The following GAB1 variants were observed in gnomAD, a reference collection of about 807,000 sequenced individuals.
The protein encoded by GAB1 is GRB2 associated binding protein 1.
In GAB1, 19 loss-of-function variants were observed where a neutral mutation model predicts 66.5. That is an observed-to-expected ratio of 0.29 (90% confidence interval 0.20 to 0.42). The LOEUF (loss-of-function observed/expected upper bound fraction) is 0.42. GAB1 is among the 10% of genes least tolerant of loss of function. The pLI is 1.00. For synonymous variants in GAB1, 294 were observed against 301.4 expected, an observed-to-expected ratio of 0.98 and a Z score of 0.25; for missense variants, 732 against 858.5, an observed-to-expected ratio of 0.85 and a Z score of 1.84.
chr4:143,356,075 C>T (rs754936580), intron 1 of GAB1, among the ~76,000 whole-genome samples: 4 of 150,558 alleles, frequency 2.7e-5, no homozygotes, highest in South Asian at 2.1e-4. Context: ...TTTTTTGGGT[C>T]GGGGCCGGGG....
intron 2 of GAB1, among the ~76,000 whole-genome samples, chr4:143,418,708 A>G (rs1560755754): frequency 6.6e-6 from 1 of 152,166 alleles, no homozygotes; most frequent in African/African-American, 2.4e-5. Flanking sequence ...ATGCTCCTAA[A>G]TATATTTACA....
chr4:143,413,711 A>G (rs1406016003), intron 1 of GAB1, among the ~76,000 whole-genome samples: 3 of 152,054 alleles, frequency 2.0e-5, no homozygotes, highest in Non-Finnish European at 4.4e-5. Flanking sequence ...GAAGGTAGGA[A>G]TAATGAATTA....
At chr4:143,429,936 A>T (rs530099125) in intron 2 of GAB1, among the ~76,000 whole-genome samples, 1 of 152,372 alleles carries the variant, frequency 6.6e-6, no homozygotes, top group African/African-American at 2.4e-5. Flanking sequence ...AAGGCCATGA[A>T]TAGCTCAAAA....
intron 1 of GAB1, among the ~76,000 whole-genome samples, chr4:143,350,791 AATTG>A (rs1450489233): frequency 6.6e-6 from 1 of 152,094 alleles, no homozygotes; most frequent in Non-Finnish European, 1.5e-5. Context: ...TAGGAGCAAA[AATTG>A]ATTATGTAAA....
At chr4:143,340,460 T>G (rs900002587) in intron 1 of GAB1, among the ~76,000 whole-genome samples, 12 of 152,176 alleles carry the variant, frequency 7.9e-5, no homozygotes, top group African/African-American at 2.9e-4. Flanking sequence ...GAACACTGAT[T>G]AAGATGATCC....
intron 1 of GAB1, among the ~76,000 whole-genome samples, chr4:143,347,482 T>G (rs1406245123): frequency 7.2e-5 from 11 of 151,918 alleles, no homozygotes; most frequent in African/African-American, 2.7e-4. Context: ...CTAAGGGAGG[T>G]GAATTGATTA....
chr4:143,388,797 GA>G (rs952115398), intron 1 of GAB1, among the ~76,000 whole-genome samples: 6 of 150,988 alleles, frequency 4.0e-5, no homozygotes, highest in Admixed American at 6.6e-5. Context: ...TAGCAGAAAA[GA>G]AAAAAAAATC....
chr4:143,455,308 T>C (rs906293145), intron 6 of GAB1, among the ~76,000 whole-genome samples: 13 of 152,170 alleles, frequency 8.5e-5, no homozygotes, highest in African/African-American at 3.1e-4. Context: ...CAGTTTCAGC[T>C]TCAGAAGGAT....
At chr4:143,404,167 A>C (rs1474756142) in intron 1 of GAB1, among the ~76,000 whole-genome samples, 2 of 152,240 alleles carry the variant, frequency 1.3e-5, no homozygotes, top group Non-Finnish European at 2.9e-5. Flanking sequence ...TCTAACCCAG[A>C]AATAATTATT....
chr4:143,379,187 G>A (rs1730553243), intron 1 of GAB1, among the ~76,000 whole-genome samples: 1 of 152,120 alleles, frequency 6.6e-6, no homozygotes, highest in African/African-American at 2.4e-5. Context: ...CAAACAAAGA[G>A]GCAAGTTGAA....
At chr4:143,356,704 T>C (rs1346428006) in intron 1 of GAB1, among the ~76,000 whole-genome samples, 1 of 152,196 alleles carries the variant, frequency 6.6e-6, no homozygotes, top group African/African-American at 2.4e-5. Flanking sequence ...GGTTATGTGA[T>C]GCAAACACCA....
intron 1 of GAB1, chr4:143,349,866 GAA>G (rs1266762995): frequency 6.3e-7 from 1 of 1,584,680 alleles, no homozygotes; most frequent in African/African-American, 1.3e-5. Context: ...AGGCCCCCAG[GAA>G]AAAGTCAATG....
At chr4:143,425,940 G>C in intron 2 of GAB1, 2 of 996,110 alleles carry the variant, frequency 2.0e-6, no homozygotes, top group Non-Finnish European at 3.1e-6. Flanking sequence ...AGCTGTTCTT[G>C]CACGGGTTCT....
chr4:143,413,406 A>G (rs1732499204), intron 1 of GAB1, among the ~76,000 whole-genome samples: 2 of 152,216 alleles, frequency 1.3e-5, no homozygotes, highest in East Asian at 1.9e-4. Context: ...AATATTATCT[A>G]AAACATCTAT....
At chr4:143,362,624 C>T (rs191683854) in intron 1 of GAB1, among the ~76,000 whole-genome samples, 1 of 152,254 alleles carries the variant, frequency 6.6e-6, no homozygotes, top group Admixed American at 6.5e-5. Flanking sequence ...ACTGTCATGG[C>T]GCTGATGGGA....
At chr4:143,338,847 C>A (rs1393066207) in intron 1 of GAB1, among the ~76,000 whole-genome samples, 2 of 151,986 alleles carry the variant, frequency 1.3e-5, no homozygotes, top group Non-Finnish European at 2.9e-5. Context: ...ATTTGCTGAA[C>A]GTGAAAGTGA....
In GAB1 at chr4:143,337,229, A is replaced by C. The variant is rs1728684175; in HGVS notation, c.41A>C (p.Lys14Thr). The change falls in exon 1 of 10, where the codon AAG becomes ACG. Residue 14 changes from lysine (K) to threonine (T), a missense_variant. Coordinates refer to ENST00000262994, the MANE Select transcript of GAB1 (RefSeq NM_002039.4). ...GEVVCSGWLRKSPPEKKLKRY... is the reference protein window; with the variant it reads ...GEVVCSGWLRTSPPEKKLKRY... ...GTGGTCTGCTCCGGATGGCTCCGCA[A>C]GTCCCCCCCGGAGAAAAAGTTGAAG... is the stretch of plus-strand genomic sequence containing the variant. 4 of 1,586,136 alleles carry C rather than the reference A, an allele frequency of 2.5e-6. No individual in the cohort carries two copies. The highest frequency in any genetic ancestry group is 3.4e-6 in the Non-Finnish European group (4 of 1,166,008).
chr4:143,392,347 A>T (rs115311739), intron 1 of GAB1, among the ~76,000 whole-genome samples: 1 of 152,224 alleles, frequency 6.6e-6, no homozygotes, highest in African/African-American at 2.4e-5. Context: ...GGATTTGTCA[A>T]TTGAAGTATA....
At chr4:143,364,868 CTTTTTTTTTTTTTT>C (rs745401852) in intron 1 of GAB1, among the ~76,000 whole-genome samples, 3 of 86,770 alleles carry the variant, frequency 3.5e-5, no homozygotes, top group African/African-American at 1.1e-4. Context: ...CCTGCATCTA[CTTTTTTTTTTTTTT>C]TTTTTTTTTT....
Sources: gnomAD v4.1 joint callset for allele counts (sites outside exome capture counted in the v4.1 genomes callset) on GRCh38, gnomAD v4.1.1 for gene constraint, MANE v1.5 for transcripts, NCBI Gene and HGNC (gene_info 2026-07-23, HGNC 2026-07-21) for gene names.